Variants in RAB2A observed in about 807,000 individuals in gnomAD.
RAB2A encodes ras-related protein Rab-2A.
RAB2A carries 7 observed loss-of-function variants against 32.5 expected under a neutral mutation model. The ratio of observed to expected loss-of-function variants is 0.22; its 90% CI spans 0.12 to 0.40. RAB2A has a LOEUF of 0.40. RAB2A is among the 10% of genes least tolerant of loss of function. RAB2A has a pLI of 1.00. For synonymous variants in RAB2A, 79 were observed against 85.2 expected (o/e 0.93, Z 0.40); for missense variants, 108 against 260.7 (o/e 0.41, Z 4.03).
chr8:60,615,955 C>G (rs1804440948), intron 6 of RAB2A, among the ~76,000 whole-genome samples: 1 of 151,942 alleles, frequency 6.6e-6, no homozygotes, highest in South Asian at 2.1e-4. Context: ...TGTATTGTAT[C>G]CTCTATAATA....
chr8:60,567,967 A>G lies in RAB2A; in HGVS notation c.119-4079A>G, dbSNP rs746876524. Among the ~76,000 whole-genome samples, 51 of 152,310 alleles carry G rather than the reference A, an allele frequency of 3.3e-4. 1 individual carries two copies. Among genetic ancestry groups the G allele is most frequent in the Admixed American group, 9.1e-4 (14 of 15,308 alleles). On this transcript the variant is annotated intron_variant, in intron 2 of 7. Coordinates refer to ENST00000262646, the MANE Select transcript of RAB2A (RefSeq NM_002865.3). ...ATTTGAATTATTCTAGTGTTTTACC[A>G]TTAAGTATGGTGTTTGCTGTTTTGT...
At chr8:60,562,196 C>T (rs1486212289) in intron 2 of RAB2A, among the ~76,000 whole-genome samples, 2 of 152,152 alleles carry the variant, frequency 1.3e-5, no homozygotes, top group Admixed American at 6.5e-5. Context: ...TGTATACCCA[C>T]GCCTGTGGAG....
intron 2 of RAB2A, among the ~76,000 whole-genome samples, chr8:60,565,091 C>G (rs542857025): frequency 6.6e-6 from 1 of 152,292 alleles, no homozygotes; most frequent in African/African-American, 2.4e-5. Flanking sequence ...GTTGATTTCA[C>G]CTTCTTACCT....
chr8:60,583,238 A>G (rs952929763), intron 3 of RAB2A, among the ~76,000 whole-genome samples: 1 of 152,354 alleles, frequency 6.6e-6, no homozygotes, highest in Admixed American at 6.5e-5. Context: ...GATTTTGAAT[A>G]TAAAAATCGT....
At chr8:60,570,071 T>A (rs1442222590) in intron 2 of RAB2A, 3 of 455,338 alleles carry the variant, frequency 6.6e-6, no homozygotes, top group African/African-American at 6.0e-5. Flanking sequence ...AGTTTCCGTA[T>A]CTTTAGCCCT....
intron 6 of RAB2A, among the ~76,000 whole-genome samples, chr8:60,597,168 A>G (rs893341897): frequency 7.9e-5 from 12 of 152,220 alleles, no homozygotes; most frequent in African/African-American, 2.9e-4. Flanking sequence ...CACTGTTCAC[A>G]ATAGCAAAGA....
At chr8:60,578,207 A>G (rs919309861) in intron 3 of RAB2A, among the ~76,000 whole-genome samples, 10 of 152,330 alleles carry the variant, frequency 6.6e-5, no homozygotes, top group Middle Eastern at 3.4e-3. Flanking sequence ...AGTGCCTACT[A>G]TAAATATACT....
chr8:60,579,202 C>A (rs751836489), intron 3 of RAB2A, among the ~76,000 whole-genome samples: 1 of 152,170 alleles, frequency 6.6e-6, no homozygotes, highest in Non-Finnish European at 1.5e-5. Flanking sequence ...GCCACCACAC[C>A]TGGCTAATTT....
chr8:60,578,990 C>T (rs1411462397), intron 3 of RAB2A, among the ~76,000 whole-genome samples: 1 of 152,092 alleles, frequency 6.6e-6, no homozygotes, highest in Non-Finnish European at 1.5e-5. Context: ...TTGTTCTGCT[C>T]TACTTTTTTG....
intron 1 of RAB2A, chr8:60,552,884 C>T (rs1325144459): frequency 1.3e-5 from 2 of 152,152 alleles, no homozygotes; most frequent in Non-Finnish European, 2.9e-5. Flanking sequence ...TTTGTACCTG[C>T]TGTGTGCTAG....
At chr8:60,585,158 G>GA (rs1803827536) in intron 5 of RAB2A, among the ~76,000 whole-genome samples, 1 of 152,154 alleles carries the variant, frequency 6.6e-6, no homozygotes, top group African/African-American at 2.4e-5. Flanking sequence ...TATTATATGG[G>GA]AAAACCTTCT....
At chr8:60,559,998 C>T (rs1313227028) in intron 2 of RAB2A, among the ~76,000 whole-genome samples, 2 of 152,070 alleles carry the variant, frequency 1.3e-5, no homozygotes, top group African/African-American at 2.4e-5. Context: ...TAAGACTATC[C>T]GTATTCTATT....
At chr8:60,605,196 T>A (rs1333864572) in intron 6 of RAB2A, among the ~76,000 whole-genome samples, 2 of 152,148 alleles carry the variant, frequency 1.3e-5, no homozygotes, top group African/African-American at 4.8e-5. Context: ...GCCACAAGCC[T>A]TGGTAGCTTC....
At chr8:60,580,015 T>C (rs1803714600) in intron 3 of RAB2A, among the ~76,000 whole-genome samples, 1 of 150,394 alleles carries the variant, frequency 6.6e-6, no homozygotes, top group South Asian at 2.1e-4. Context: ...TTTTTTTTTT[T>C]TGAGACAGTC....
chr8:60,561,150 C>T (rs1808019334), intron 2 of RAB2A, among the ~76,000 whole-genome samples: 1 of 152,150 alleles, frequency 6.6e-6, no homozygotes, highest in South Asian at 2.1e-4. Flanking sequence ...GTAGCAGCTT[C>T]CTGCTGTTTG....
At chr8:60,573,132 A>G (rs1026990929) in intron 3 of RAB2A, among the ~76,000 whole-genome samples, 14 of 152,230 alleles carry the variant, frequency 9.2e-5, no homozygotes, top group Non-Finnish European at 1.8e-4. Flanking sequence ...AGGAATTCCC[A>G]GGATTCTGGG....
intron 3 of RAB2A, among the ~76,000 whole-genome samples, chr8:60,579,246 T>A (rs561348181): frequency 3.3e-5 from 5 of 152,332 alleles, no homozygotes; most frequent in African/African-American, 1.2e-4. Context: ...TTTCACCATG[T>A]TGGCCAGGCT....
chr8:60,589,244 A>G (rs1160146988), intron 5 of RAB2A, among the ~76,000 whole-genome samples: 1 of 152,236 alleles, frequency 6.6e-6, no homozygotes, highest in Non-Finnish European at 1.5e-5. Flanking sequence ...CTAGGAGCTG[A>G]TAGTTCAAAT....
intron 1 of RAB2A, among the ~76,000 whole-genome samples, chr8:60,558,086 A>G (rs986635216): frequency 6.6e-6 from 1 of 152,308 alleles, no homozygotes; most frequent in Non-Finnish European, 1.5e-5. Context: ...GACTTTGAGT[A>G]AGTGAGTGAA....
Sources: allele counts gnomAD v4.1 joint callset (sites outside exome capture counted in the v4.1 genomes callset), GRCh38; gene constraint gnomAD v4.1.1; transcripts MANE v1.5; gene names NCBI Gene and HGNC (gene_info 2026-07-23, HGNC 2026-07-21).